Variants in SMG5 observed in about 807,000 individuals in gnomAD.
SMG5 encodes SMG5 nonsense mediated mRNA decay factor.
A neutral mutation model predicts 122.9 loss-of-function variants in SMG5; 53 were observed. The ratio of observed to expected loss-of-function variants is 0.43; its 90% CI spans 0.35 to 0.54. SMG5 has a LOEUF of 0.54. Among genes scored for constraint, SMG5 ranks in the 20% least tolerant of loss-of-function variants. SMG5 has a pLI of 0.01. For synonymous variants in SMG5, 477 were observed against 490.2 expected, an observed-to-expected ratio of 0.97 and a Z score of 0.35; for missense variants, 1,153 against 1,285.6, an observed-to-expected ratio of 0.90 and a Z score of 1.58.
chr1:156,261,878 G>T lies in SMG5; in HGVS notation c.2032-470C>A, dbSNP rs1274828125. Among the ~76,000 whole-genome samples the T allele has an allele frequency of 5.8e-5, 6 of 103,262 alleles. No individual in the cohort carries two copies. In the East Asian group the frequency reaches 1.7e-3, roughly 30 times the overall value. 67.7% of individuals were successfully genotyped at this position (103,262 alleles called of 152,430 possible). On this transcript the variant is annotated intron_variant, in intron 13 of 21. Transcript: ENST00000361813. ...GCACTCCAGCCTGGGCAACAAGAAT[G>T]AAACTCCTTCTCAAAAAAAAAAAAA...
rs144344500 is a variant in SMG5 at position 156,268,420 on chromosome 1, A to G, written c.714-5T>C. 372 of 1,613,622 alleles carry G rather than the reference A, an allele frequency of 2.3e-4. 1 individual carries two copies. The African/African-American group carries it at 4.5e-3, about 20-fold the overall frequency. ...AAGGACACTTCTGACTGGATGCTGTAAGAGATAGAGGTGAGCTACTGAGTC... is the reference window on the plus strand; with the variant it reads ...AAGGACACTTCTGACTGGATGCTGTGAGAGATAGAGGTGAGCTACTGAGTC... On this transcript the variant is annotated splice_region_variant and splice_polypyrimidine_tract_variant and intron_variant, in intron 7 of 21. Transcript: ENST00000361813.
chr1:156,264,463 T>C (rs922578855), intron 12 of SMG5, among the ~76,000 whole-genome samples: 2 of 151,942 alleles, frequency 1.3e-5, no homozygotes, highest in Non-Finnish European at 2.9e-5. Flanking sequence ...CAGCAATAAG[T>C]AAGAAATATT....
rs912754676 is a variant in SMG5, at chr1:156,266,037, C to A, written c.1599G>T (p.Gly533=). The A allele has an allele frequency of 7.4e-6, 12 of 1,614,084 alleles. No individual in the cohort carries two copies. Among genetic ancestry groups the A allele is most frequent in the Non-Finnish European group, 1.0e-5 (12 of 1,180,038 alleles). The change falls in exon 12 of 22, where the codon GGG becomes GGT. Residue 533 remains glycine, a synonymous_variant. Transcript: ENST00000361813. ...GGGGCTCCAGGGTTGGTGACCGTGTCCCCTCCTCTTCCTCCATATCTTCCA... is the reference window on the plus strand; with the variant it reads ...GGGGCTCCAGGGTTGGTGACCGTGTACCCTCCTCTTCCTCCATATCTTCCA... ...SDLEDMEEEE[G]TRSPTLEPPR...
chr1:156,251,470 G>A lies in SMG5; in HGVS notation c.2761C>T (p.Arg921Cys), dbSNP rs150119529. Residue 921 changes from arginine (R) to cysteine (C), a missense_variant, in exon 20 of 22, where the codon CGC becomes TGC. Around this residue, in one of 5 missense-constraint regions of SMG5, gnomAD observed 140 missense variants for 227.8 expected, o/e 0.61. Transcript: ENST00000361813. Reference protein sequence around the residue: ...AEFKKGNRYIRCQKEVGKSFE... With the variant: ...AEFKKGNRYICCQKEVGKSFE... ...CTCTTTCCCACCTCTTTCTGGCAGC[G>A]AATGTACCTGCAGAGGAGATGTGCG... 1.5e-5 allele frequency: 24 copies of A among 1,614,018 alleles called. No individual in the cohort carries two copies. Among genetic ancestry groups the A allele is most frequent in the Middle Eastern group, 1.7e-4 (1 of 5,932 alleles).
intron 1 of SMG5, among the ~76,000 whole-genome samples, chr1:156,280,729 C>T (rs1053873329): frequency 3.3e-5 from 5 of 152,106 alleles, no homozygotes; most frequent in Non-Finnish European, 5.9e-5. Flanking sequence ...TAATTGAAAA[C>T]GCTTAAATAT....
rs1188225068 is a variant in SMG5 at position 156,249,324 on chromosome 1, A to G, written c.*1263T>C. 4.8e-6 allele frequency: 1 copy of G among 206,804 alleles called. No individual in the cohort carries two copies. The highest frequency in any genetic ancestry group is 1.0e-5 in the Non-Finnish European group (1 of 100,438). 12.8% of individuals were successfully genotyped at this position (206,804 alleles called of 1,614,324 possible). ...CACCCCAGGATTTCCCAGACTTGCT[A>G]TTTTAGAGGAGAGAGGCAGGAAGCC... is the stretch of plus-strand genomic sequence containing the variant. On this transcript the variant is annotated 3_prime_UTR_variant, in exon 22 of 22. Transcript: ENST00000361813.
At chr1:156,277,843 C>T in intron 3 of SMG5, 82 bp downstream of exon 3, 1 of 1,578,356 alleles carries the variant, frequency 6.3e-7, no homozygotes, top group Non-Finnish European at 8.6e-7. Context: ...GCTCCCCTAC[C>T]TCCAACCATG....
chr1:156,285,964 C>T (rs1171167022), upstream of SMG5: 4 of 1,607,982 alleles, frequency 2.5e-6, no homozygotes, highest in Non-Finnish European at 3.4e-6. Flanking sequence ...GGGTCTTTGC[C>T]ACCTTCCCCA....
intron 3 of SMG5, 102 bp downstream of exon 3, chr1:156,277,823 T>C: frequency 6.7e-7 from 1 of 1,498,146 alleles, no homozygotes; most frequent in South Asian, 1.2e-5. Flanking sequence ...CTTACTGCCA[T>C]GTTTTCTTGG....
chr1:156,282,778 C>T lies in SMG5; in HGVS notation c.-98G>A. The T allele has an allele frequency of 1.5e-6, 2 of 1,325,592 alleles. No homozygotes were observed. Among genetic ancestry groups the T allele is most frequent in the South Asian group, 2.8e-5 (2 of 72,288 alleles). 82.1% of individuals were successfully genotyped at this position (1,325,592 alleles called of 1,614,324 possible). A position where few individuals can be genotyped will look rare whatever the true frequency, so the allele number is the denominator to read the frequency against. On this transcript the variant is annotated 5_prime_UTR_variant, in exon 1 of 22. It introduces an in-frame stop codon into an upstream open reading frame of the 5' UTR. Transcript: ENST00000361813. ...CCGGCCGTAGCCGCAGCCGCCGCCG[C>T]CACCGGCCCTGCTCGGCCGCCATCG...
intron 7 of SMG5, among the ~76,000 whole-genome samples, chr1:156,270,258 A>G (rs1166319496): frequency 6.6e-6 from 1 of 152,196 alleles, no homozygotes; most frequent in Non-Finnish European, 1.5e-5. Context: ...CTGCGGGAGG[A>G]AGGGCTATGA....
chr1:156,267,802 G>A, intron 9 of SMG5, 124 bp from the exon 10 acceptor site: 1 of 850,298 alleles, frequency 1.2e-6, no homozygotes, highest in Non-Finnish European at 1.8e-6. Flanking sequence ...GAGCACACCA[G>A]GGAAGGGTAG....
At chr1:156,281,031 T>C (rs145708470) in intron 1 of SMG5, among the ~76,000 whole-genome samples, 1 of 152,338 alleles carries the variant, frequency 6.6e-6, no homozygotes, top group Non-Finnish European at 1.5e-5. Flanking sequence ...CCCAAATTTC[T>C]GAAGCTCAGA....
In SMG5 at chr1:156,260,643, C is replaced by T; in HGVS notation, c.2108-17G>A. 1 of 1,483,448 alleles carries T rather than the reference C, an allele frequency of 6.7e-7. No individual in the cohort carries two copies. The highest frequency in any genetic ancestry group is 8.9e-7 in the Non-Finnish European group (1 of 1,119,954). 91.9% of individuals were successfully genotyped at this position (1,483,448 alleles called of 1,614,324 possible). On this transcript the variant is annotated splice_polypyrimidine_tract_variant and intron_variant, in intron 14 of 21. Transcript: ENST00000361813. ...AGGCCAGGCCTGGGCAGAAGAAGGA[C>T]ACATAAGACCATCTGTCCTGTGGGA...
At chr1:156,252,613 G>T in intron 18 of SMG5, 109 bp from the exon 19 acceptor site, 1 of 1,181,624 alleles carries the variant, frequency 8.5e-7, no homozygotes, top group Non-Finnish European at 1.2e-6. Flanking sequence ...AGGCAGAGAA[G>T]GGACCCTGGC....
the SMG5 span, chr1:156,290,069 A>G: frequency 6.6e-6 from 1 of 152,254 alleles, no homozygotes; most frequent in African/African-American, 2.4e-5. Flanking sequence ...GAGGATAAAT[A>G]CAATGGAACA....
At chr1:156,285,629 C>T (rs763385646), upstream of SMG5, 11 of 1,614,122 alleles carry the variant, frequency 6.8e-6, no homozygotes, top group South Asian at 8.8e-5. Context: ...TATTGACCTA[C>T]AGTGCATTGA....
chr1:156,254,370 G>A (rs542410030), intron 16 of SMG5, among the ~76,000 whole-genome samples: 4 of 152,194 alleles, frequency 2.6e-5, no homozygotes, highest in South Asian at 2.1e-4. Flanking sequence ...TCCTTAGTAT[G>A]GTCTATAAGA....
chr1:156,265,747 G>T, intron 12 of SMG5, 34 bp downstream of exon 12: 1 of 1,592,590 alleles, frequency 6.3e-7, no homozygotes, highest in Non-Finnish European at 8.6e-7. Context: ...ATGGAGGTGC[G>T]GACCAGAACA....
Sources: gnomAD v4.1 joint callset for allele counts (sites outside exome capture counted in the v4.1 genomes callset) on GRCh38, gnomAD v4.1.1 for gene constraint, gnomAD v4.1.1 regional missense constraint, MANE v1.5 for transcripts, NCBI Gene and HGNC (gene_info 2026-07-23, HGNC 2026-07-21) for gene names.